CCDC102B: variants seen among roughly 807,000 people sequenced by gnomAD.
CCDC102B encodes the protein coiled-coil domain-containing protein 102B.
Under a neutral mutation model 57.4 loss-of-function variants are expected in CCDC102B, and 75 were observed. That is an observed-to-expected ratio of 1.31 (90% CI 1.08 to 1.58). The LOEUF (loss-of-function observed/expected upper bound fraction) is 1.58, where lower values mean the gene tolerates loss of function less well. CCDC102B is among the 40% of genes most tolerant of loss of function. The probability of loss-of-function intolerance (pLI) is 0.00; values close to 1 mark genes in which losing one functional copy is unlikely to be tolerated. For missense variants in CCDC102B, 636 were observed against 582.6 expected, an observed-to-expected ratio of 1.09 and a Z score of -0.94; for synonymous variants, 206 against 201.9, an observed-to-expected ratio of 1.02 and a Z score of -0.17.
chr18:68,746,972 A>C (rs2033644757), intron 2 of CCDC102B, among the ~76,000 whole-genome samples: 1 of 151,890 alleles, frequency 6.6e-6, no homozygotes. Context: ...AACTATACAC[A>C]TTTATGGGGT....
At chr18:69,014,708 T>G (rs72959932) in intron 7 of CCDC102B, among the ~76,000 whole-genome samples, 4,891 of 151,838 alleles carry the variant, frequency 0.032, 110 homozygotes, top group East Asian at 0.089. Flanking sequence ...GGTGTTTTTT[T>G]TGTGTGTGTG....
At chr18:68,787,367 C>G (rs1328520573) in intron 2 of CCDC102B, among the ~76,000 whole-genome samples, 2 of 151,556 alleles carry the variant, frequency 1.3e-5, no homozygotes, top group African/African-American at 4.9e-5. Context: ...AGGATTCCCT[C>G]TTTTTCTATT....
chr18:68,779,397 G>GT (rs1296312886), intron 2 of CCDC102B, among the ~76,000 whole-genome samples: 2 of 152,116 alleles, frequency 1.3e-5, no homozygotes, highest in African/African-American at 4.8e-5. Flanking sequence ...CAAAGATTGC[G>GT]TAAGCATAGC....
chr18:68,834,861 G>C (rs1354756833), intron 1 of CCDC102B, among the ~76,000 whole-genome samples: 2 of 151,742 alleles, frequency 1.3e-5, no homozygotes, highest in African/African-American at 4.8e-5. Flanking sequence ...TTAAAGTAAT[G>C]AAACCCATTC....
At chr18:68,940,668 G>A (rs1430187778) in intron 6 of CCDC102B, among the ~76,000 whole-genome samples, 2 of 151,452 alleles carry the variant, frequency 1.3e-5, no homozygotes, top group Non-Finnish European at 2.9e-5. Flanking sequence ...ATATGAAAAA[G>A]AGCTTTGCAG....
At chr18:68,916,616 C>G (rs2145093526) in intron 6 of CCDC102B, among the ~76,000 whole-genome samples, 1 of 152,244 alleles carries the variant, frequency 6.6e-6, no homozygotes, top group South Asian at 2.1e-4. Flanking sequence ...GTTTGAGGCA[C>G]ATACAAGGTA....
chr18:68,985,005 C>G (rs1045585593), intron 6 of CCDC102B, among the ~76,000 whole-genome samples: 1 of 151,986 alleles, frequency 6.6e-6, no homozygotes, highest in African/African-American at 2.4e-5. Flanking sequence ...ATAATATATA[C>G]TATTTCTCAG....
intron 6 of CCDC102B, among the ~76,000 whole-genome samples, chr18:68,989,865 C>A (rs1446694860): frequency 6.6e-6 from 1 of 152,180 alleles, no homozygotes; most frequent in Non-Finnish European, 1.5e-5. Flanking sequence ...CTAACCGCTC[C>A]GCTATCAGCT....
chr18:68,790,485 C>T (rs2035408906), intron 2 of CCDC102B, among the ~76,000 whole-genome samples: 1 of 152,068 alleles, frequency 6.6e-6, no homozygotes, highest in Non-Finnish European at 1.5e-5. Flanking sequence ...CAGCGAGACT[C>T]CGAGGGCGTA....
intron 6 of CCDC102B, among the ~76,000 whole-genome samples, chr18:68,996,194 A>G (rs552315472): frequency 6.6e-6 from 1 of 152,276 alleles, no homozygotes; most frequent in Non-Finnish European, 1.5e-5. Flanking sequence ...CTAATCATCT[A>G]AAAGACCAGC....
At chr18:68,740,484 A>C (rs1363420274) in intron 2 of CCDC102B, among the ~76,000 whole-genome samples, 1 of 152,194 alleles carries the variant, frequency 6.6e-6, no homozygotes, top group Admixed American at 6.5e-5. Context: ...GTTTTACAGG[A>C]TTGTTACTCC....
chr18:68,725,460 C>T (rs1421919550), intron 2 of CCDC102B, among the ~76,000 whole-genome samples: 2 of 152,176 alleles, frequency 1.3e-5, no homozygotes, highest in African/African-American at 4.8e-5. Context: ...GGAAAGGACC[C>T]ACTTCCAGGC....
intron 6 of CCDC102B, among the ~76,000 whole-genome samples, chr18:68,950,377 T>C (rs776763716): frequency 2.0e-5 from 3 of 152,130 alleles, no homozygotes; most frequent in Non-Finnish European, 4.4e-5. Context: ...TTTGAGAAAC[T>C]GTAAAACTTC....
intron 1 of CCDC102B, among the ~76,000 whole-genome samples, chr18:68,828,322 CAAAAAAA>C (rs58180806): frequency 8.7e-5 from 7 of 80,800 alleles, no homozygotes; most frequent in African/African-American, 1.4e-4. Flanking sequence ...ACCCTATTTA[CAAAAAAA>C]AAAAAAAAAA....
chr18:68,995,071 G>C (rs949087822), intron 6 of CCDC102B, among the ~76,000 whole-genome samples: 2 of 152,208 alleles, frequency 1.3e-5, no homozygotes, highest in African/African-American at 2.4e-5. Context: ...TGAGGAACTT[G>C]TTGGGAACTG....
intron 1 of CCDC102B, among the ~76,000 whole-genome samples, chr18:68,810,685 T>TTG (rs2144710417): frequency 2.2e-5 from 1 of 44,906 alleles, no homozygotes; most frequent in South Asian, 1.1e-3. Flanking sequence ...TCTTTGTTTT[T>TTG]TTTTTTTTTT....
At chr18:68,856,944 CAT>C (rs1282058012) in intron 4 of CCDC102B, among the ~76,000 whole-genome samples, 1 of 145,520 alleles carries the variant, frequency 6.9e-6, no homozygotes, top group Admixed American at 7.2e-5. Context: ...CATACACACA[CAT>C]ACAGTCTATA....
intron 2 of CCDC102B, among the ~76,000 whole-genome samples, chr18:68,790,248 A>G (rs2035389672): frequency 6.6e-6 from 1 of 151,642 alleles, no homozygotes; most frequent in African/African-American, 2.4e-5. Flanking sequence ...TCAGACTGGG[A>G]CATTTAAGTC....
intron 4 of CCDC102B, among the ~76,000 whole-genome samples, chr18:68,868,065 T>C (rs2144907953): frequency 6.6e-6 from 1 of 152,300 alleles, no homozygotes; most frequent in South Asian, 2.1e-4. Flanking sequence ...ATATTTCCTC[T>C]TATTGCATTT....
Sources: allele counts gnomAD v4.1 joint callset (sites outside exome capture counted in the v4.1 genomes callset), GRCh38; gene constraint gnomAD v4.1.1; transcripts MANE v1.5; gene names NCBI Gene and HGNC (gene_info 2026-07-23, HGNC 2026-07-21).